The following DNAH11 variants were observed in gnomAD, a reference collection of about 807,000 sequenced individuals.
The protein encoded by DNAH11 is dynein axonemal heavy chain 11.
Under a neutral mutation model 526.0 loss-of-function variants are expected in DNAH11, and 442 were observed. That is an observed-to-expected ratio of 0.84 (90% CI 0.78 to 0.91). The LOEUF (loss-of-function observed/expected upper bound fraction) is 0.91. Ranked by LOEUF, DNAH11 falls within the 40% of genes least tolerant of loss-of-function variation. The pLI, the probability that DNAH11 is intolerant of heterozygous loss-of-function variation, is 0.00. For missense variants in DNAH11, 6,989 were observed against 5,448.7 expected, an observed-to-expected ratio of 1.28 and a Z score of -8.90; for synonymous variants, 2,461 against 1,935.9, an observed-to-expected ratio of 1.27 and a Z score of -7.12.
In DNAH11 at chr7:21,635,900, G is replaced by A. The variant is rs1049172922; in HGVS notation, c.4530G>A (p.Lys1510=). 1.2e-6 allele frequency: 2 copies of A among 1,612,402 alleles called. No individual in the cohort carries two copies. Among genetic ancestry groups the A allele is most frequent in the Non-Finnish European group, 8.5e-7 (1 of 1,179,154 alleles). Residue 1510 remains lysine, a synonymous_variant, in exon 26 of 82, where the codon AAG becomes AAA. Transcript: ENST00000409508. ...QVQLQTLLQS[K]YVEYFIEQVL... is the part of the protein sequence containing the mutation. ...AGTTGCAGACTCTTCTTCAAAGCAA[G>A]TATGTAGAATATTTCATTGAGCAAG...
intron 55 of DNAH11, among the ~76,000 whole-genome samples, chr7:21,771,813 A>G (rs1022325158): frequency 4.6e-5 from 7 of 152,036 alleles, no homozygotes; most frequent in Admixed American, 2.0e-4. Context: ...CGGCAGCACC[A>G]GCAGCAACTC....
intron 25 of DNAH11, among the ~76,000 whole-genome samples, chr7:21,622,516 A>G (rs538748230): frequency 2.6e-5 from 4 of 152,374 alleles, no homozygotes; most frequent in East Asian, 3.9e-4. Flanking sequence ...TGCCAAGTCA[A>G]TCCTAAGCCA....
intron 46 of DNAH11, 81 bp from the exon 47 acceptor site, chr7:21,738,620 G>A: frequency 7.2e-7 from 1 of 1,389,002 alleles, no homozygotes; most frequent in South Asian, 1.4e-5. Context: ...ATCGACAGAA[G>A]AAGTTAAGAA....
chr7:21,828,401 A>G (rs1301518487), intron 65 of DNAH11, among the ~76,000 whole-genome samples: 1 of 152,228 alleles, frequency 6.6e-6, no homozygotes, highest in Admixed American at 6.5e-5. Context: ...TCAAAATAAA[A>G]TTTAATTGCC....
intron 45 of DNAH11, among the ~76,000 whole-genome samples, chr7:21,733,319 C>A (rs1785462637): frequency 6.6e-6 from 1 of 152,128 alleles, no homozygotes; most frequent in African/African-American, 2.4e-5. Context: ...ACTCAGGAGG[C>A]AGAGTTTGCA....
At chr7:21,804,060 G>A (rs920437197) in intron 62 of DNAH11, among the ~76,000 whole-genome samples, 83 of 151,348 alleles carry the variant, frequency 5.5e-4, no homozygotes, top group African/African-American at 2.0e-3. Flanking sequence ...CTAGGTGATA[G>A]CCTCATTTCT....
At chr7:21,876,890 A>G (rs1283186568) in intron 74 of DNAH11, among the ~76,000 whole-genome samples, 4 of 152,246 alleles carry the variant, frequency 2.6e-5, no homozygotes, top group African/African-American at 9.6e-5. Context: ...AGAGGCTGGG[A>G]AAAGTGAATT....
Position 21,894,974 on chromosome 7 carries a change from C to A in DNAH11, c.13024C>A (p.Pro4342Thr). Residue 4342 changes from proline (P) to threonine (T), a missense_variant, in exon 79 of 82, where the codon CCT becomes ACT. Transcript: ENST00000409508. The stretch of plus-strand genomic sequence containing the variant: ...AGACACTTGGAGCAAACTGGCTTAT[C>A]CTTCTACTTATGGCCTAGCCCAGTG... ...VPDTWSKLAY[P>T]STYGLAQWFN... 1 of 1,613,974 alleles carries A rather than the reference C, an allele frequency of 6.2e-7. No homozygotes were observed. Among genetic ancestry groups the A allele is most frequent in the South Asian group, 1.1e-5 (1 of 91,080 alleles).
At chr7:21,723,519 C>A (rs1274186387) in intron 44 of DNAH11, among the ~76,000 whole-genome samples, 1 of 152,210 alleles carries the variant, frequency 6.6e-6, no homozygotes, top group Non-Finnish European at 1.5e-5. Flanking sequence ...CTTTCTATTT[C>A]TGCATTTATT....
intron 65 of DNAH11, among the ~76,000 whole-genome samples, chr7:21,821,457 C>A (rs1179597490): frequency 6.6e-6 from 1 of 152,124 alleles, no homozygotes; most frequent in Admixed American, 6.6e-5. Flanking sequence ...CTGCTCTTTT[C>A]CCATGAGAAA....
intron 54 of DNAH11, among the ~76,000 whole-genome samples, chr7:21,757,597 T>A (rs1786693912): frequency 6.6e-6 from 1 of 152,184 alleles, no homozygotes; most frequent in Non-Finnish European, 1.5e-5. Flanking sequence ...CTTTTCTATT[T>A]TTCTTGGTTT....
chr7:21,763,671 T>C (rs1307061788), intron 54 of DNAH11, among the ~76,000 whole-genome samples: 1 of 151,216 alleles, frequency 6.6e-6, no homozygotes, highest in African/African-American at 2.4e-5. Flanking sequence ...CCAAGGACAT[T>C]GAAACCAGGA....
In DNAH11 at chr7:21,616,214, C is replaced by T. The variant is rs1785776188; in HGVS notation, c.4017C>T (p.Ser1339=). ...ATCTGCTTTTGCGTTTTCAGAGAAGCATTGATAATTGGACTAAAACCCAGT... is the reference window on the plus strand; with the variant it reads ...ATCTGCTTTTGCGTTTTCAGAGAAGTATTGATAATTGGACTAAAACCCAGT... ...LWDVIIYVRR[S]IDNWTKTQWR... is the part of the protein sequence containing the mutation. Residue 1339 remains serine, a synonymous_variant, in exon 22 of 82, where the codon AGC becomes AGT. Transcript: ENST00000409508. 3 of 1,613,122 alleles carry T rather than the reference C, an allele frequency of 1.9e-6. No homozygotes were observed. Among genetic ancestry groups the T allele is most frequent in the African/African-American group, 2.7e-5 (2 of 74,892 alleles).
intron 44 of DNAH11, among the ~76,000 whole-genome samples, chr7:21,724,589 C>T (rs2214933): frequency 0.21 from 32,154 of 151,506 alleles, 3,665 homozygotes; most frequent in Non-Finnish European, 0.25. Context: ...AGTCACTGCG[C>T]CAGGTCTCCT....
intron 30 of DNAH11, among the ~76,000 whole-genome samples, chr7:21,660,191 C>T (rs1231321742): frequency 6.6e-6 from 1 of 151,896 alleles, no homozygotes; most frequent in Admixed American, 6.6e-5. Flanking sequence ...TAATTAAATG[C>T]AATTCTGCTA....
chr7:21,745,597 A>G (rs1427771892), intron 51 of DNAH11, among the ~76,000 whole-genome samples: 1 of 152,212 alleles, frequency 6.6e-6, no homozygotes, highest in Non-Finnish European at 1.5e-5. Flanking sequence ...CCTATGGGAC[A>G]TTGTTCTAGG....
chr7:21,630,481 A>AT (rs1053213262), intron 25 of DNAH11, among the ~76,000 whole-genome samples: 3 of 152,186 alleles, frequency 2.0e-5, no homozygotes, highest in Admixed American at 1.3e-4. Context: ...TTCCTTTAGC[A>AT]TTTTTTGTAA....
chr7:21,593,067 G>A (rs938366154), intron 14 of DNAH11, among the ~76,000 whole-genome samples: 4 of 152,146 alleles, frequency 2.6e-5, no homozygotes, highest in African/African-American at 9.7e-5. Context: ...TTAAGAACAT[G>A]TGGGAATTGT....
intron 45 of DNAH11, among the ~76,000 whole-genome samples, chr7:21,728,590 A>C (rs1785242249): frequency 1.3e-5 from 2 of 152,066 alleles, no homozygotes; most frequent in African/African-American, 4.8e-5. Flanking sequence ...AACCCATTCC[A>C]GTATCAACTC....
Sources: allele counts gnomAD v4.1 joint callset (sites outside exome capture counted in the v4.1 genomes callset), GRCh38; gene constraint gnomAD v4.1.1; transcripts MANE v1.5; gene names NCBI Gene and HGNC (gene_info 2026-07-23, HGNC 2026-07-21).